MKX: variants seen among roughly 807,000 people sequenced by gnomAD.
MKX encodes homeobox protein Mohawk.
In MKX, 13 loss-of-function variants were observed where a neutral mutation model predicts 36.0. That is an observed-to-expected ratio of 0.36 (90% CI 0.24 to 0.57). The LOEUF is 0.57. Ranked by LOEUF, MKX falls within the 20% of genes least tolerant of loss-of-function variation. MKX has a pLI of 0.79. For synonymous variants in MKX, 176 were observed against 178.3 expected, an observed-to-expected ratio of 0.99 and a Z score of 0.10; for missense variants, 458 against 456.4, an observed-to-expected ratio of 1.00 and a Z score of -0.03.
intron 5 of MKX, chr10:27,718,518 G>A: frequency 2.6e-6 from 1 of 388,406 alleles, no homozygotes; most frequent in Admixed American, 3.1e-5. Context: ...ATATTGGCAA[G>A]AAGGAGTGGA....
At chr10:27,715,203 G>A (rs1469788399) in intron 5 of MKX, among the ~76,000 whole-genome samples, 1 of 19,558 alleles carries the variant, frequency 5.1e-5, no homozygotes, top group Non-Finnish European at 3.7e-4. Flanking sequence ...GCAGGCAGAC[G>A]CTTGCTTTGC....
At chr10:27,743,543 C>T (rs1002045738) in intron 1 of MKX, 46 bp from the exon 2 acceptor site, 49 of 1,017,022 alleles carry the variant, frequency 4.8e-5, no homozygotes, top group Admixed American at 3.6e-4. Context: ...TGAGAGTGCT[C>T]AGACCCCTGC....
chr10:27,743,489 G>T lies in MKX; in HGVS notation c.-74C>A. 1 of 1,418,968 alleles carries T rather than the reference G, an allele frequency of 7.0e-7. No homozygotes were observed. The highest frequency in any genetic ancestry group is 9.3e-7 in the Non-Finnish European group (1 of 1,075,536). The allele number at this position is 1,418,968 out of a possible 1,614,324, so 87.9% of individuals were successfully genotyped here. ...GGGCCGCCGGGAGCTCCGCAGCGGG[G>T]CTCGGCTTCTAGGAGAGGAAGGTGC... On this transcript the variant is annotated 5_prime_UTR_variant, in exon 2 of 7. Transcript: ENST00000419761.
At chr10:27,719,357 G>A (rs1256405220) in intron 5 of MKX, among the ~76,000 whole-genome samples, 1 of 152,126 alleles carries the variant, frequency 6.6e-6, no homozygotes, top group East Asian at 1.9e-4. Flanking sequence ...TAGCCTACCA[G>A]GGGAATCAAG....
At chr10:27,686,441 G>A (rs9335635) in intron 5 of MKX, among the ~76,000 whole-genome samples, 6 of 122,514 alleles carry the variant, frequency 4.9e-5, no homozygotes, top group Admixed American at 1.6e-4. Context: ...AAGGAAGGAA[G>A]GAAGGAAAGA....
chr10:27,686,522 G>A (rs1177185450), intron 5 of MKX, among the ~76,000 whole-genome samples: 1 of 152,146 alleles, frequency 6.6e-6, no homozygotes, highest in South Asian at 2.1e-4. Context: ...TGTCACCCAG[G>A]CTGGAGTGCA....
Position 27,744,519 on chromosome 10 carries a change from G to A in MKX, c.-82-1022C>T, listed in dbSNP as rs2132663311. Among the ~76,000 whole-genome samples, 1 of 152,242 alleles carries A rather than the reference G, an allele frequency of 6.6e-6. No individual in the cohort carries two copies. The highest frequency in any genetic ancestry group is 2.4e-5 in the African/African-American group (1 of 41,564). On this transcript the variant is annotated intron_variant, in intron 1 of 6. Coordinates refer to ENST00000419761, the MANE Select transcript of MKX (RefSeq NM_173576.3). This position sits in a 1 kb window ranked among gnomAD's most constrained non-coding sequence, Gnocchi z 5.6. ...TGCCGCGCACCGGCGTCAGGAGCAA[G>A]TCCGCGCGGCCGCGGAGCCGCAGAG...
chr10:27,699,451 A>G (rs930233103), intron 5 of MKX, among the ~76,000 whole-genome samples: 5 of 152,240 alleles, frequency 3.3e-5, no homozygotes, highest in Admixed American at 2.0e-4. Context: ...TTGAAAACCA[A>G]AAGTTAATGA....
intron 5 of MKX, among the ~76,000 whole-genome samples, chr10:27,698,871 T>G (rs966444413): frequency 9.2e-5 from 14 of 152,150 alleles, no homozygotes; most frequent in Admixed American, 5.9e-4. Context: ...GGTATGTAAA[T>G]CAATCAATCA....
intron 1 of MKX, among the ~76,000 whole-genome samples, chr10:27,743,979 C>A (rs921463094): frequency 6.6e-6 from 1 of 152,006 alleles, no homozygotes; most frequent in Non-Finnish European, 1.5e-5. Flanking sequence ...ATGTGCCAAC[C>A]GTATCCACAA....
chr10:27,706,610 G>A (rs1018458071), intron 5 of MKX, among the ~76,000 whole-genome samples: 8 of 151,348 alleles, frequency 5.3e-5, no homozygotes, highest in Non-Finnish European at 1.2e-4. Flanking sequence ...TGGGTGTGAG[G>A]TGGTATATCA....
chr10:27,711,459 CTTTCTTTCTTTCTTTCTTTCTT>C (rs201618888), intron 5 of MKX, among the ~76,000 whole-genome samples: 12,927 of 33,970 alleles, frequency 0.38, 862 homozygotes, highest in East Asian at 0.44. Context: ...TTCTTTCTTT[CTTTCTTTCTTTCTTTCTTTCTT>C]TCTCTCTCTC....
At chr10:27,691,949 C>T (rs1836461198) in intron 5 of MKX, among the ~76,000 whole-genome samples, 1 of 152,110 alleles carries the variant, frequency 6.6e-6, no homozygotes, top group Non-Finnish European at 1.5e-5. Flanking sequence ...TTATCCAATC[C>T]ACTCTTGATG....
chr10:27,689,610 T>C (rs1180740790), intron 5 of MKX, among the ~76,000 whole-genome samples: 2 of 152,168 alleles, frequency 1.3e-5, no homozygotes, highest in African/African-American at 4.8e-5. Context: ...GTAAAACTCC[T>C]TGCCCGTGGG....
intron 5 of MKX, among the ~76,000 whole-genome samples, chr10:27,709,643 C>T (rs1438184246): frequency 6.6e-6 from 1 of 152,160 alleles, no homozygotes; most frequent in Non-Finnish European, 1.5e-5. Flanking sequence ...AGATCCTGTG[C>T]CCCTCTGGAG....
chr10:27,678,595 C>A (rs1836196895), intron 5 of MKX, among the ~76,000 whole-genome samples: 1 of 152,226 alleles, frequency 6.6e-6, no homozygotes, highest in Non-Finnish European at 1.5e-5. Context: ...AGAAGAAAGC[C>A]TGTGGCTATC....
intron 5 of MKX, among the ~76,000 whole-genome samples, chr10:27,698,776 T>C (rs1836600836): frequency 6.6e-6 from 1 of 152,178 alleles, no homozygotes; most frequent in African/African-American, 2.4e-5. Context: ...TAGCAACATA[T>C]TTGGAAAGAC....
intron 5 of MKX, among the ~76,000 whole-genome samples, chr10:27,709,035 G>A (rs892200717): frequency 2.0e-5 from 3 of 151,984 alleles, no homozygotes; most frequent in African/African-American, 4.8e-5. Flanking sequence ...TGGGCATGGT[G>A]GTGGCTGCCT....
chr10:27,694,525 A>AT (rs1554770429), intron 5 of MKX, among the ~76,000 whole-genome samples: 1,900 of 30,544 alleles, frequency 0.062, 34 homozygotes, highest in African/African-American at 0.13. Context: ...CTAAAAAAAA[A>AT]AAATATATAT....
Sources: gnomAD v4.1 joint callset for allele counts (sites outside exome capture counted in the v4.1 genomes callset) on GRCh38, gnomAD v4.1.1 for gene constraint, Gnocchi (gnomAD v3.1) non-coding constraint, MANE v1.5 for transcripts, NCBI Gene and HGNC (gene_info 2026-07-23, HGNC 2026-07-21) for gene names.